Variants in STX1B observed in about 807,000 individuals in gnomAD.
STX1B encodes syntaxin 1B, also known as syntaxin-1B.
A neutral mutation model predicts 39.4 loss-of-function variants in STX1B; 7 were observed. The ratio of observed to expected loss-of-function variants is 0.18; its 90% CI spans 0.10 to 0.33. STX1B has a LOEUF of 0.33. Among genes scored for constraint, STX1B ranks in the 10% least tolerant of loss-of-function variants. The probability of loss-of-function intolerance (pLI) is 1.00; values close to 1 mark genes in which losing one functional copy is unlikely to be tolerated. For missense variants in STX1B, 198 were observed against 383.2 expected (o/e 0.52, Z 4.04); for synonymous variants, 136 against 144.1 (o/e 0.94, Z 0.40).
Position 30,992,647 on chromosome 16 carries a change from G to GTT in STX1B, c.*173_*174insAA. The GTT allele has an allele frequency of 1.9e-6, 1 of 517,946 alleles. No individual in the cohort carries two copies. Among genetic ancestry groups the GTT allele is most frequent in the South Asian group, 2.6e-5 (1 of 38,692 alleles). 32.1% of individuals were successfully genotyped at this position (517,946 alleles called of 1,614,324 possible). A position where few individuals can be genotyped will look rare whatever the true frequency, so the allele number is the denominator to read the frequency against. ...TGCGATCTACGTGCGGGGACGGGGG[G>GTT]GGGGTCCATGGCCCGGTGAGGTCCA... On this transcript the variant is annotated 3_prime_UTR_variant, in exon 10 of 10. Transcript: ENST00000215095.
intron 4 of STX1B, among the ~76,000 whole-genome samples, chr16:31,000,058 C>T (rs1400146765): frequency 1.3e-5 from 2 of 150,484 alleles, no homozygotes; most frequent in East Asian, 1.9e-4. Flanking sequence ...AGTGCAGTGG[C>T]GCGATCTCGG....
chr16:31,002,767 A>G (rs1413898683), intron 1 of STX1B, among the ~76,000 whole-genome samples: 1 of 152,222 alleles, frequency 6.6e-6, no homozygotes, highest in East Asian at 1.9e-4. Context: ...AAATGTATAC[A>G]GAGTTCATTC....
At chr16:31,002,587 C>T (rs2056636053) in intron 1 of STX1B, among the ~76,000 whole-genome samples, 1 of 152,222 alleles carries the variant, frequency 6.6e-6, no homozygotes. Flanking sequence ...CTTCCAGCTT[C>T]TCCGAGCCTC....
At chr16:30,993,320 G>C in intron 8 of STX1B, 27 bp downstream of exon 8, 1 of 1,613,732 alleles carries the variant, frequency 6.2e-7, no homozygotes, top group Non-Finnish European at 8.5e-7. Flanking sequence ...GAGGCTCCCA[G>C]AGTGGCATGG....
Position 30,997,140 on chromosome 16 carries a change from A to C in STX1B, c.355-81T>G, listed in dbSNP as rs1184182060. 3.2e-6 allele frequency: 3 copies of C among 931,346 alleles called. No individual in the cohort carries two copies. In the South Asian group the frequency reaches 4.1e-5, roughly 13 times the overall value. The allele number at this position is 931,346 out of a possible 1,614,324, so 57.7% of individuals were successfully genotyped here. The stretch of plus-strand genomic sequence containing the variant: ...GGAGTCAGGGAGCAGAGACCGAGGC[A>C]GGTGAGGAGGCAGTGCATGGGCGGA... On this transcript the variant is annotated intron_variant, in intron 5 of 9. Transcript: ENST00000215095.
chr16:31,009,087 G>A (rs2056668151), intron 1 of STX1B, among the ~76,000 whole-genome samples: 1 of 152,044 alleles, frequency 6.6e-6, no homozygotes, highest in African/African-American at 2.4e-5. Flanking sequence ...CAACCTGTCT[G>A]TCCCCAGAGA....
At chr16:30,997,137 G>A (rs1445644410) in intron 5 of STX1B, 78 bp from the exon 6 acceptor site, 6 of 973,554 alleles carry the variant, frequency 6.2e-6, no homozygotes, top group Non-Finnish European at 4.9e-6. Flanking sequence ...CAGAGACCGA[G>A]GCAGGTGAGG....
intron 7 of STX1B, among the ~76,000 whole-genome samples, chr16:30,995,504 T>C (rs2056587309): frequency 6.6e-6 from 1 of 151,500 alleles, no homozygotes; most frequent in Non-Finnish European, 1.5e-5. Flanking sequence ...TTTTTTTTTT[T>C]TTTAAGAGAC....
chr16:30,996,579 C>T, intron 7 of STX1B, 104 bp downstream of exon 7: 1 of 1,045,868 alleles, frequency 9.6e-7, no homozygotes, highest in Non-Finnish European at 1.4e-6. Flanking sequence ...AGGCTTCCCG[C>T]TGCTCATTTT....
At chr16:30,993,589 C>G in intron 7 of STX1B, 105 bp from the exon 8 acceptor site, 1 of 1,359,982 alleles carries the variant, frequency 7.4e-7, no homozygotes, top group Middle Eastern at 1.8e-4. Context: ...CTAGCTGAAA[C>G]CTTAGGCACA....
chr16:31,007,725 G>C (rs1487079748), intron 1 of STX1B, among the ~76,000 whole-genome samples: 2 of 152,134 alleles, frequency 1.3e-5, no homozygotes, highest in Non-Finnish European at 2.9e-5. Context: ...CCCATCGCAG[G>C]GGGCTTGTGT....
chr16:30,993,182 C>T lies in STX1B; in HGVS notation c.734G>A (p.Arg245Gln), dbSNP rs1246807785. The T allele has an allele frequency of 2.5e-6, 4 of 1,614,084 alleles. No individual in the cohort carries two copies. The highest frequency in any genetic ancestry group is 2.7e-5 in the African/African-American group (2 of 74,916). ...TGCTTTCTTGGTGTCAGACACAGCT[C>T]GCTCCACGTAGTCCACAGAATGTTC... is the stretch of plus-strand genomic sequence containing the variant. ...NVEHSVDYVERAVSDTKKAVK... is the reference protein window; with the variant it reads ...NVEHSVDYVEQAVSDTKKAVK... The change falls in exon 9 of 10, where the codon CGA becomes CAA. Residue 245 changes from arginine (R) to glutamine (Q), a missense_variant. Physicochemically the swap from Arg to Gln is conservative, Grantham distance 43. Coordinates refer to ENST00000215095, the MANE Select transcript of STX1B (RefSeq NM_052874.5).
At chr16:30,996,561 C>T in intron 7 of STX1B, 122 bp downstream of exon 7, 1 of 892,224 alleles carries the variant, frequency 1.1e-6, no homozygotes, top group Non-Finnish European at 1.8e-6. Context: ...TTCCCCAGTT[C>T]CCGGCTCAGG....
chr16:30,993,552 G>C, intron 7 of STX1B, 68 bp from the exon 8 acceptor site: 1 of 1,560,350 alleles, frequency 6.4e-7, no homozygotes, highest in Non-Finnish European at 8.8e-7. Context: ...GCAGTGGAGT[G>C]GCCAGGGTCA....
rs1269036032 is a variant in STX1B at position 30,990,223 on chromosome 16, GGTCCT to G, written c.*2593_*2597del. 6.6e-6 allele frequency: 1 copy of G among 152,344 alleles called. No individual in the cohort carries two copies. Among genetic ancestry groups the G allele is most frequent in the African/African-American group, 2.4e-5 (1 of 41,454 alleles). The allele number at this position is 152,344 out of a possible 1,614,324, so 9.4% of individuals were successfully genotyped here. On this transcript the variant is annotated 3_prime_UTR_variant, in exon 10 of 10. Transcript: ENST00000215095. The stretch of plus-strand genomic sequence containing the variant: ...TCCGGAAACACCTGGGCTGAATGGG[GGTCCT>G]GTCCAGGCGGCCGGAAGAGGGGACT...
At chr16:31,005,312 A>G (rs2056649515) in intron 1 of STX1B, among the ~76,000 whole-genome samples, 1 of 152,172 alleles carries the variant, frequency 6.6e-6, no homozygotes, top group South Asian at 2.1e-4. Flanking sequence ...AAGATGATCA[A>G]ATGTGCCCCA....
At chr16:31,000,869 A>G in intron 4 of STX1B, 59 bp downstream of exon 4, 1 of 1,582,342 alleles carries the variant, frequency 6.3e-7, no homozygotes, top group Non-Finnish European at 8.7e-7. Flanking sequence ...CAAAGGCCTG[A>G]GCCACCATGC....
intron 1 of STX1B, among the ~76,000 whole-genome samples, chr16:31,006,751 T>G (rs1489038418): frequency 6.6e-6 from 1 of 152,152 alleles, no homozygotes; most frequent in Middle Eastern, 3.4e-3. Flanking sequence ...AACAGCATGC[T>G]GGGCAGAGGG....
intron 1 of STX1B, among the ~76,000 whole-genome samples, chr16:31,007,340 T>C (rs1345294244): frequency 6.6e-6 from 1 of 151,938 alleles, no homozygotes; most frequent in East Asian, 1.9e-4. Flanking sequence ...GGCCCCACCT[T>C]CCTCCCAGGG....
Sources: gnomAD v4.1 joint callset for allele counts (sites outside exome capture counted in the v4.1 genomes callset) on GRCh38, gnomAD v4.1.1 for gene constraint, MANE v1.5 for transcripts, NCBI Gene and HGNC (gene_info 2026-07-23, HGNC 2026-07-21) for gene names.